Variants in RAB38 observed in about 807,000 individuals in gnomAD.
The protein encoded by RAB38 is RAB38, member RAS oncogene family.
Under a neutral mutation model 18.4 loss-of-function variants are expected in RAB38, and 15 were observed. The observed-to-expected ratio is 0.82, with a 90% CI of 0.55 to 1.26. The LOEUF (loss-of-function observed/expected upper bound fraction) is 1.26. RAB38 is among the 50% of genes most tolerant of loss of function. The probability of loss-of-function intolerance (pLI) is 0.00; values close to 1 mark genes in which losing one functional copy is unlikely to be tolerated. For missense variants in RAB38, 294 were observed against 267.4 expected, an observed-to-expected ratio of 1.10 and a Z score of -0.69; for synonymous variants, 101 against 104.4, an observed-to-expected ratio of 0.97 and a Z score of 0.20.
Position 88,156,679 on chromosome 11 carries a change from G to A in RAB38, c.203-6724C>T, listed in dbSNP as rs60617176. Among the ~76,000 whole-genome samples the A allele has an allele frequency of 4.5e-3, 688 of 152,054 alleles. 2 individuals carry two copies. Among genetic ancestry groups the A allele is most frequent in the African/African-American group, 0.016 (655 of 41,464 alleles). On this transcript the variant is annotated intron_variant, in intron 1 of 2. Coordinates refer to ENST00000243662, the MANE Select transcript of RAB38 (RefSeq NM_022337.3). ...ATCATGCCACTGCACTCCAGCCTGG[G>A]CGACAGAGCAAGACTTTGTCTCAAG...
At chr11:87,829,720 A>C in the RAB38 span, among the ~76,000 whole-genome samples, 1 of 152,322 alleles carries the variant, frequency 6.6e-6, no homozygotes, top group Middle Eastern at 3.4e-3. Context: ...AAATTATTTT[A>C]AAAAACAAAT....
chr11:88,126,065 A>T (rs1292456444), intron 2 of RAB38, among the ~76,000 whole-genome samples: 1 of 152,176 alleles, frequency 6.6e-6, no homozygotes, highest in African/African-American at 2.4e-5. Context: ...GTTCTGTTCC[A>T]TTGGTCTATA....
chr11:87,826,025 G>A, the RAB38 span, among the ~76,000 whole-genome samples: 2 of 151,956 alleles, frequency 1.3e-5, no homozygotes, highest in African/African-American at 4.8e-5. Flanking sequence ...AAAAATATTG[G>A]GAAATTGGGT....
At chr11:88,145,275 A>G (rs570807586) in intron 2 of RAB38, among the ~76,000 whole-genome samples, 1 of 151,750 alleles carries the variant, frequency 6.6e-6, no homozygotes, top group Non-Finnish European at 1.5e-5. Context: ...TCAGCCTCCC[A>G]AGTAGCTGGG....
chr11:88,044,969 G>A, the RAB38 span, among the ~76,000 whole-genome samples: 1 of 152,136 alleles, frequency 6.6e-6, no homozygotes, highest in African/African-American at 2.4e-5. Flanking sequence ...CACCTGCCCA[G>A]CAATTTCCTC....
chr11:87,915,393 A>C, the RAB38 span, among the ~76,000 whole-genome samples: 1 of 152,160 alleles, frequency 6.6e-6, no homozygotes, highest in Non-Finnish European at 1.5e-5. Context: ...ACCAAAACCA[A>C]GATGGCGACA....
At chr11:87,967,021 A>G in the RAB38 span, among the ~76,000 whole-genome samples, 6 of 152,234 alleles carry the variant, frequency 3.9e-5, no homozygotes, top group Non-Finnish European at 8.8e-5. Flanking sequence ...CCAGGCATGG[A>G]TAATCCCTCT....
the RAB38 span, among the ~76,000 whole-genome samples, chr11:87,921,211 G>A: frequency 6.6e-6 from 1 of 152,124 alleles, no homozygotes; most frequent in South Asian, 2.1e-4. Flanking sequence ...CTTTATGATG[G>A]TGTGAAAGCA....
At chr11:87,820,357 C>T in the RAB38 span, among the ~76,000 whole-genome samples, 1 of 152,186 alleles carries the variant, frequency 6.6e-6, no homozygotes, top group Non-Finnish European at 1.5e-5. Context: ...CCAATAAAAT[C>T]TTTCTTAGTG....
chr11:87,940,341 CCAGA>C, the RAB38 span, among the ~76,000 whole-genome samples: 1 of 152,010 alleles, frequency 6.6e-6, no homozygotes, highest in African/African-American at 2.4e-5. Context: ...CTCTCTTTGC[CCAGA>C]CACAGTGAGA....
At chr11:87,849,193 T>C in the RAB38 span, among the ~76,000 whole-genome samples, 1 of 152,138 alleles carries the variant, frequency 6.6e-6, no homozygotes, top group African/African-American at 2.4e-5. Flanking sequence ...GGAAGTGCTA[T>C]AGCAGTAAGG....
the RAB38 span, among the ~76,000 whole-genome samples, chr11:87,888,872 A>G: frequency 6.6e-6 from 1 of 151,932 alleles, no homozygotes; most frequent in East Asian, 2.0e-4. Flanking sequence ...CAAAGGGACA[A>G]TGGAGGCATA....
chr11:88,063,881 A>G, the RAB38 span, among the ~76,000 whole-genome samples: 2 of 152,236 alleles, frequency 1.3e-5, no homozygotes, highest in Non-Finnish European at 2.9e-5. Flanking sequence ...TAAATTACCC[A>G]GTCTCAAGTA....
intron 1 of RAB38, among the ~76,000 whole-genome samples, chr11:88,163,598 G>A (rs1002561156): frequency 1.5e-4 from 23 of 152,092 alleles, no homozygotes; most frequent in Non-Finnish European, 4.4e-5. Flanking sequence ...GAAGTATATT[G>A]AATTAAGTAA....
chr11:87,809,461 C>A, the RAB38 span, among the ~76,000 whole-genome samples: 1 of 152,180 alleles, frequency 6.6e-6, no homozygotes. Context: ...CAACACAAGG[C>A]CAAGTCACGG....
the RAB38 span, among the ~76,000 whole-genome samples, chr11:88,018,079 C>T: frequency 6.6e-6 from 1 of 152,080 alleles, no homozygotes; most frequent in Non-Finnish European, 1.5e-5. Context: ...ACTGTGAGTC[C>T]ATTACACCTC....
the RAB38 span, among the ~76,000 whole-genome samples, chr11:87,871,959 T>C: frequency 6.6e-6 from 1 of 151,640 alleles, no homozygotes; most frequent in Admixed American, 6.6e-5. Flanking sequence ...ACCTGTATTT[T>C]AGTGAATATA....
At chr11:87,817,798 GT>G in the RAB38 span, among the ~76,000 whole-genome samples, 1 of 152,116 alleles carries the variant, frequency 6.6e-6, no homozygotes, top group Non-Finnish European at 1.5e-5. Context: ...AGTGTTTCAT[GT>G]CATTCCACAC....
chr11:87,881,584 C>T, the RAB38 span, among the ~76,000 whole-genome samples: 1 of 151,844 alleles, frequency 6.6e-6, no homozygotes, highest in Non-Finnish European at 1.5e-5. Context: ...TTATTTGCCA[C>T]ACTACACTAG....
Sources: gnomAD v4.1 joint callset for allele counts (sites outside exome capture counted in the v4.1 genomes callset) on GRCh38, gnomAD v4.1.1 for gene constraint, MANE v1.5 for transcripts, NCBI Gene and HGNC (gene_info 2026-07-23, HGNC 2026-07-21) for gene names.